Variants in SLC44A5 observed in about 807,000 individuals in gnomAD.
The protein encoded by SLC44A5 is solute carrier family 44 member 5.
In SLC44A5, 57 loss-of-function variants were observed where a neutral mutation model predicts 101.8. That is an observed-to-expected ratio of 0.56 (90% CI 0.45 to 0.70). The LOEUF is 0.70. SLC44A5 is among the 30% of genes least tolerant of loss of function. The pLI is 0.00. For missense variants in SLC44A5, 737 were observed against 853.1 expected (o/e 0.86, Z 1.70); for synonymous variants, 281 against 290.9 (o/e 0.97, Z 0.35).
intron 3 of SLC44A5, among the ~76,000 whole-genome samples, chr1:75,349,284 AGCT>A (rs1658470884): frequency 6.6e-6 from 1 of 152,330 alleles, no homozygotes; most frequent in Admixed American, 6.5e-5. Context: ...GGTTGCAGTA[AGCT>A]GAGATTGTGC....
At chr1:75,705,298 A>C in the SLC44A5 span, among the ~76,000 whole-genome samples, 6,009 of 152,256 alleles carry the variant, frequency 0.039, 144 homozygotes, top group Middle Eastern at 0.051. Context: ...TCAAGTTTAT[A>C]CTATCTTAAT....
intron 11 of SLC44A5, among the ~76,000 whole-genome samples, chr1:75,235,758 C>G (rs57612788): frequency 0.28 from 42,815 of 151,898 alleles, 6,342 homozygotes; most frequent in Middle Eastern, 0.36. Flanking sequence ...TTTTCGTACT[C>G]TTCCCTGAAC....
chr1:75,601,149 G>A (rs1350565916), intron 1 of SLC44A5, among the ~76,000 whole-genome samples: 1 of 152,124 alleles, frequency 6.6e-6, no homozygotes, highest in Non-Finnish European at 1.5e-5. Flanking sequence ...ATTTATCCAT[G>A]AGATCCTCAT....
chr1:75,420,977 G>GAAA (rs1444662290), intron 2 of SLC44A5, among the ~76,000 whole-genome samples: 8 of 151,928 alleles, frequency 5.3e-5, no homozygotes, highest in Non-Finnish European at 1.0e-4. Flanking sequence ...TCACAAAAAT[G>GAAA]AAAATAGCAA....
chr1:75,317,865 A>G (rs1655815193), intron 4 of SLC44A5, among the ~76,000 whole-genome samples: 1 of 152,052 alleles, frequency 6.6e-6, no homozygotes. Context: ...CTCTAAACCT[A>G]AGTACCTCCA....
the SLC44A5 span, among the ~76,000 whole-genome samples, chr1:75,692,007 T>C: frequency 6.6e-6 from 1 of 152,052 alleles, no homozygotes; most frequent in African/African-American, 2.4e-5. Context: ...TATACTTTAC[T>C]TACAAAACAC....
At chr1:75,517,599 G>A (rs560004148) in intron 2 of SLC44A5, among the ~76,000 whole-genome samples, 14 of 152,218 alleles carry the variant, frequency 9.2e-5, no homozygotes, top group African/African-American at 2.9e-4. Context: ...CTTTGACCCC[G>A]GGGGAGACAG....
chr1:75,297,852 T>C (rs1401642291), intron 5 of SLC44A5, among the ~76,000 whole-genome samples: 2 of 152,172 alleles, frequency 1.3e-5, no homozygotes, highest in Non-Finnish European at 1.5e-5. Context: ...ATCAATCAAA[T>C]GTTAAGTGTC....
chr1:75,575,318 A>G (rs1371261602), intron 1 of SLC44A5, among the ~76,000 whole-genome samples: 2 of 152,206 alleles, frequency 1.3e-5, no homozygotes, highest in Admixed American at 6.5e-5. Flanking sequence ...ATCATGGGGT[A>G]ATACAGGGTA....
At position 75,395,729 on chromosome 1, in the gene SLC44A5, T is replaced by C. The variant is rs1046241522; in HGVS notation, c.52+854A>G. ...ATGTTTTGCTCTATGTATATATACA[T>C]TGTAGAAAGATTAAGTTAAGCTAAT... On this transcript the variant is annotated intron_variant, in intron 3 of 23. Coordinates refer to ENST00000370859, the MANE Select transcript of SLC44A5 (RefSeq NM_001130058.2). Among the ~76,000 whole-genome samples, 4 of 152,296 alleles carry C rather than the reference T, an allele frequency of 2.6e-5. No individual in the cohort carries two copies. The East Asian group carries it at 7.7e-4, about 29-fold the overall frequency.
chr1:75,576,568 G>T (rs1225132033), intron 1 of SLC44A5, among the ~76,000 whole-genome samples: 2 of 152,186 alleles, frequency 1.3e-5, no homozygotes, highest in Non-Finnish European at 1.5e-5. Flanking sequence ...TCCGTCCACT[G>T]TGGCCTCCCA....
the SLC44A5 span, among the ~76,000 whole-genome samples, chr1:75,671,222 G>A: frequency 6.6e-6 from 1 of 152,078 alleles, no homozygotes; most frequent in Non-Finnish European, 1.5e-5. Context: ...TTAACCTGTG[G>A]GAGCTCCATA....
chr1:75,300,534 T>A, intron 5 of SLC44A5, 78 bp downstream of exon 5: 1 of 966,828 alleles, frequency 1.0e-6, no homozygotes, highest in Non-Finnish European at 1.5e-6. Context: ...AAGACAATAA[T>A]TAATTTTTTA....
intron 1 of SLC44A5, among the ~76,000 whole-genome samples, chr1:75,550,366 AT>A (rs920221296): frequency 6.2e-4 from 95 of 152,134 alleles, no homozygotes; most frequent in African/African-American, 2.2e-3. Context: ...ACAGAAATAG[AT>A]TAGTGGCTTC....
At chr1:75,403,228 T>C (rs1662617026) in intron 2 of SLC44A5, among the ~76,000 whole-genome samples, 1 of 152,208 alleles carries the variant, frequency 6.6e-6, no homozygotes, top group Non-Finnish European at 1.5e-5. Flanking sequence ...CCCATCTCCC[T>C]GGGACAGAGC....
chr1:75,408,650 T>G (rs894842653), intron 2 of SLC44A5, among the ~76,000 whole-genome samples: 8 of 151,192 alleles, frequency 5.3e-5, no homozygotes, highest in Non-Finnish European at 7.4e-5. Flanking sequence ...TAAGTGGGAG[T>G]TGAACAGTGA....
At chr1:75,630,725 C>T in the SLC44A5 span, among the ~76,000 whole-genome samples, 1 of 152,242 alleles carries the variant, frequency 6.6e-6, no homozygotes, top group East Asian at 1.9e-4. Context: ...AATAAACCGT[C>T]ATTGATAAAA....
intron 4 of SLC44A5, among the ~76,000 whole-genome samples, chr1:75,330,120 C>T (rs1399913879): frequency 9.7e-5 from 14 of 144,538 alleles, no homozygotes; most frequent in African/African-American, 3.6e-4. Flanking sequence ...CACACACACA[C>T]ACACACACAC....
At chr1:75,251,577 G>T (rs1158255193) in intron 6 of SLC44A5, among the ~76,000 whole-genome samples, 1 of 151,988 alleles carries the variant, frequency 6.6e-6, no homozygotes, top group Non-Finnish European at 1.5e-5. Context: ...TAATGCTAAA[G>T]AACTAATTTA....
Sources: gnomAD v4.1 joint callset for allele counts (sites outside exome capture counted in the v4.1 genomes callset) on GRCh38, gnomAD v4.1.1 for gene constraint, MANE v1.5 for transcripts, NCBI Gene and HGNC (gene_info 2026-07-23, HGNC 2026-07-21) for gene names.